Variants in MAPK10 observed in about 807,000 individuals in gnomAD.
MAPK10 encodes the protein mitogen-activated protein kinase 10.
In MAPK10, 25 loss-of-function variants were observed where a neutral mutation model predicts 59.3. The ratio of observed to expected loss-of-function variants is 0.42; its 90% confidence interval spans 0.31 to 0.59. MAPK10 has a LOEUF of 0.59. Ranked by LOEUF, MAPK10 falls within the 20% of genes least tolerant of loss-of-function variation. The pLI is 0.15. For synonymous variants in MAPK10, 190 were observed against 200.5 expected (o/e 0.95, Z 0.44); for missense variants, 351 against 568.9 (o/e 0.62, Z 3.90).
intron 1 of MAPK10, among the ~76,000 whole-genome samples, chr4:86,510,542 C>T (rs1023774120): frequency 6.6e-6 from 1 of 151,586 alleles, no homozygotes; most frequent in Non-Finnish European, 1.5e-5. Flanking sequence ...TATATAAATA[C>T]ACATGAATAT....
At position 86,014,227 on chromosome 4, in the gene MAPK10, GTGACT is replaced by G. The variant is rs1381884388; in HGVS notation, c.*2996_*3000del. The stretch of plus-strand genomic sequence containing the variant: ...ACTTTTTTTCAGGAATATTGTCCAG[GTGACT>G]TGACACTTGCCTACCGGAAAAGTTG... On this transcript the variant is annotated 3_prime_UTR_variant, in exon 14 of 14. Coordinates refer to ENST00000641462, the MANE Select transcript of MAPK10 (RefSeq NM_138982.4). 2.6e-5 allele frequency: 4 copies of G among 151,950 alleles called. No individual in the cohort carries two copies. Among genetic ancestry groups the G allele is most frequent in the Admixed American group, 2.6e-4 (4 of 15,226 alleles). 9.4% of individuals were successfully genotyped at this position (151,950 alleles called of 1,614,324 possible). A position where few individuals can be genotyped will look rare whatever the true frequency, so the allele number is the denominator to read the frequency against.
At chr4:86,375,549 C>T (rs574516728) in intron 1 of MAPK10, among the ~76,000 whole-genome samples, 2 of 151,660 alleles carry the variant, frequency 1.3e-5, no homozygotes, top group East Asian at 3.9e-4. Flanking sequence ...GGCAAAACCT[C>T]GTCTCTACAG....
intron 1 of MAPK10, among the ~76,000 whole-genome samples, chr4:86,574,012 G>A (rs1000409583): frequency 2.6e-5 from 4 of 152,074 alleles, no homozygotes; most frequent in African/African-American, 4.8e-5. Context: ...CCATTAACTC[G>A]TCATTTAGCA....
intron 2 of MAPK10, among the ~76,000 whole-genome samples, chr4:86,220,579 T>C (rs1315649984): frequency 6.6e-6 from 1 of 152,230 alleles, no homozygotes; most frequent in African/African-American, 2.4e-5. Context: ...TCCACATTTA[T>C]ATACATATAT....
intron 11 of MAPK10, among the ~76,000 whole-genome samples, chr4:86,038,651 A>T (rs751017859): frequency 6.6e-6 from 1 of 152,162 alleles, no homozygotes; most frequent in Non-Finnish European, 1.5e-5. Flanking sequence ...TGAAGCACAA[A>T]ATGATATGCA....
chr4:86,428,525 G>A (rs1747601510), intron 1 of MAPK10, among the ~76,000 whole-genome samples: 1 of 152,100 alleles, frequency 6.6e-6, no homozygotes, highest in Non-Finnish European at 1.5e-5. Flanking sequence ...GACTCAGGTT[G>A]ACTAGAATCT....
At chr4:86,098,335 T>A in intron 9 of MAPK10, 189 bp downstream of exon 9, 1 of 632,762 alleles carries the variant, frequency 1.6e-6, no homozygotes, top group Non-Finnish European at 2.3e-6. Flanking sequence ...TGAAATTTAA[T>A]TAAAAGAAAT....
chr4:86,405,831 T>C (rs570403524), intron 1 of MAPK10, among the ~76,000 whole-genome samples: 1 of 152,352 alleles, frequency 6.6e-6, no homozygotes, highest in Non-Finnish European at 1.5e-5. Context: ...AGTGAGTTAA[T>C]GCTTTTAGCT....
chr4:86,296,267 G>A (rs1171883283), intron 2 of MAPK10, among the ~76,000 whole-genome samples: 1 of 151,924 alleles, frequency 6.6e-6, no homozygotes, highest in Non-Finnish European at 1.5e-5. Context: ...GGTTAAGACT[G>A]GATTTGTGGG....
At chr4:86,189,148 CT>C (rs1333607609) in intron 3 of MAPK10, among the ~76,000 whole-genome samples, 1 of 152,096 alleles carries the variant, frequency 6.6e-6, no homozygotes, top group Non-Finnish European at 1.5e-5. Flanking sequence ...TTACTGTAGC[CT>C]TGTAATATAG....
intron 9 of MAPK10, among the ~76,000 whole-genome samples, chr4:86,073,609 G>T (rs2048521986): frequency 9.0e-6 from 1 of 110,788 alleles, no homozygotes; most frequent in Non-Finnish European, 2.0e-5. Context: ...GTTCTCGTTG[G>T]TTTCAAAGAA....
At chr4:86,117,666 T>C (rs562919589) in intron 4 of MAPK10, 3 of 152,326 alleles carry the variant, frequency 2.0e-5, no homozygotes, top group African/African-American at 4.8e-5. Flanking sequence ...CTATGAGCGA[T>C]TTGTAATGCA....
At chr4:86,214,511 T>TA (rs70948783) in intron 2 of MAPK10, among the ~76,000 whole-genome samples, 13,980 of 74,974 alleles carry the variant, frequency 0.19, 1,283 homozygotes, top group Middle Eastern at 0.26. Flanking sequence ...TAAGATTCCT[T>TA]AAAAAAAAAA....
intron 3 of MAPK10, chr4:86,164,702 C>G (rs943286100): frequency 6.6e-6 from 1 of 152,090 alleles, no homozygotes; most frequent in African/African-American, 2.4e-5. Flanking sequence ...TTATTGCTTA[C>G]CTACTATAGA....
At chr4:86,432,413 T>C (rs1748159869) in intron 1 of MAPK10, among the ~76,000 whole-genome samples, 1 of 152,060 alleles carries the variant, frequency 6.6e-6, no homozygotes. Context: ...TAGCTGGGAC[T>C]ACAGGTGCAC....
At position 86,460,770 on chromosome 4, in the gene MAPK10, T is replaced by C. The variant is rs376034716; in HGVS notation, c.-262-106126A>G. On this transcript the variant is annotated intron_variant, in intron 1 of 4. Coordinates refer to the MAPK10 transcript ENST00000502302. ...AGGACATGTTCCTGCTGCAGTTAAC[T>C]AGCCAGAGCCCATCTCTTTATTTTG... Among the ~76,000 whole-genome samples, 27 of 152,362 alleles carry C rather than the reference T, an allele frequency of 1.8e-4. No homozygotes were observed. In the East Asian group the frequency reaches 2.3e-3, roughly 13 times the overall value.
At position 86,571,906 on chromosome 4, in the gene MAPK10, C is replaced by CT. The variant is rs561356439; in HGVS notation, c.-263+22003dup. ...AAAGCTTTTTCCTTTCTTCCTTGGTCTTTTTTTCAGTTTGTCATGGTTTTT... is the reference window on the plus strand; with the variant it reads ...AAAGCTTTTTCCTTTCTTCCTTGGTCTTTTTTTTCAGTTTGTCATGGTTTTT... On this transcript the variant is annotated intron_variant, in intron 1 of 4. Coordinates refer to the MAPK10 transcript ENST00000502302. Among the ~76,000 whole-genome samples, 217 of 151,656 alleles carry CT rather than the reference C, an allele frequency of 1.4e-3. 3 individuals are homozygous for CT. The highest frequency in any genetic ancestry group is 5.0e-3 in the African/African-American group (206 of 41,366).
chr4:86,437,505 A>T, intron 1 of MAPK10, among the ~76,000 whole-genome samples: 1 of 152,218 alleles, frequency 6.6e-6, no homozygotes, highest in East Asian at 1.9e-4. Context: ...ATAGGCTGCT[A>T]GATTCTATTT....
At chr4:86,250,693 A>G (rs1213417591) in intron 2 of MAPK10, among the ~76,000 whole-genome samples, 2 of 152,170 alleles carry the variant, frequency 1.3e-5, no homozygotes, top group African/African-American at 4.8e-5. Flanking sequence ...AGTAAAAAAA[A>G]GTAAACCACA....
Sources: gnomAD v4.1 joint callset for allele counts (sites outside exome capture counted in the v4.1 genomes callset) on GRCh38, gnomAD v4.1.1 for gene constraint, MANE v1.5 for transcripts, NCBI Gene and HGNC (gene_info 2026-07-23, HGNC 2026-07-21) for gene names.